Variants in ARHGAP12 observed in about 807,000 individuals in gnomAD.
ARHGAP12 encodes the protein rho GTPase-activating protein 12.
Under a neutral mutation model 108.6 loss-of-function variants are expected in ARHGAP12, and 64 were observed. The observed-to-expected ratio is 0.59, with a 90% CI of 0.48 to 0.73. The LOEUF is 0.73. ARHGAP12 is among the 30% of genes least tolerant of loss of function. ARHGAP12 has a pLI of 0.00. For synonymous variants in ARHGAP12, 312 were observed against 337.2 expected (o/e 0.93, Z 0.82); for missense variants, 940 against 1,005.9 (o/e 0.93, Z 0.89).
rs948188401 is a variant in ARHGAP12, at chr10:31,868,707, G to A, written c.685-7049C>T. 7.3e-4 allele frequency among the ~76,000 whole-genome samples: 111 copies of A among 151,942 alleles called. 3 individuals carry two copies. The highest frequency in any genetic ancestry group is 3.4e-3 in the Middle Eastern group (1 of 294). On this transcript the variant is annotated intron_variant, in intron 3 of 19. Coordinates refer to ENST00000344936, the MANE Select transcript of ARHGAP12 (RefSeq NM_018287.7). ...TCCCAGCACCTTGGGAGGTTGAGGC[G>A]GGAAGATCACTTGAGCCCAGTAGTT...
At chr10:31,884,412 A>G (rs1838116204) in intron 3 of ARHGAP12, among the ~76,000 whole-genome samples, 1 of 150,906 alleles carries the variant, frequency 6.6e-6, no homozygotes, top group Non-Finnish European at 1.5e-5. Context: ...ATATTTTGCA[A>G]TTTTTTTTTG....
chr10:31,866,427 A>G (rs1338787950), intron 3 of ARHGAP12, among the ~76,000 whole-genome samples: 2 of 152,204 alleles, frequency 1.3e-5, no homozygotes, highest in South Asian at 4.1e-4. Context: ...CTTTGAGAGA[A>G]ACAAACAAGG....
At chr10:31,906,995 T>C (rs765217838) in intron 3 of ARHGAP12, among the ~76,000 whole-genome samples, 3 of 152,160 alleles carry the variant, frequency 2.0e-5, no homozygotes, top group African/African-American at 7.2e-5. Flanking sequence ...GTACTTCACA[T>C]AGCTTCCTTG....
chr10:31,836,594 G>A (rs1041543), intron 9 of ARHGAP12, among the ~76,000 whole-genome samples: 114,014 of 151,646 alleles, frequency 0.75, 43,447 homozygotes, highest in African/African-American at 0.87. Context: ...ATTAAGAACT[G>A]AAAATGATGA....
chr10:31,925,228 A>C (rs1839980573), intron 1 of ARHGAP12, among the ~76,000 whole-genome samples: 1 of 152,206 alleles, frequency 6.6e-6, no homozygotes, highest in South Asian at 2.1e-4. Flanking sequence ...TACCAGACCC[A>C]ATACTGGCCA....
Position 31,908,487 on chromosome 10 carries a change from A to G in ARHGAP12, c.369T>C (p.Val123=), listed in dbSNP as rs1839225668. ...LSSFGKPSSS[V]QGTGLIRDAN... ...CATCACGAATAAGACCTGTTCCTTG[A>G]ACAGATGACGATGGCTTTCCGAAAC... The change falls in exon 3 of 20, where the codon GTT becomes GTC. Residue 123 remains valine (V), a synonymous_variant. Coordinates refer to ENST00000344936, the MANE Select transcript of ARHGAP12 (RefSeq NM_018287.7). The G allele has an allele frequency of 1.9e-6, 3 of 1,614,136 alleles. No homozygotes were observed. The highest frequency in any genetic ancestry group is 2.2e-5 in the East Asian group (1 of 44,904).
chr10:31,809,535 C>T, intron 16 of ARHGAP12: 1 of 450,024 alleles, frequency 2.2e-6, no homozygotes, highest in East Asian at 3.9e-5. Context: ...CTCTGCTCAT[C>T]ATATAGACTG....
intron 3 of ARHGAP12, among the ~76,000 whole-genome samples, chr10:31,906,844 C>G (rs901721977): frequency 1.3e-5 from 2 of 152,128 alleles, no homozygotes; most frequent in African/African-American, 4.8e-5. Flanking sequence ...GGATGGAATC[C>G]TGTGTCTTTC....
At chr10:31,918,682 A>T (rs1290226402) in intron 1 of ARHGAP12, among the ~76,000 whole-genome samples, 1 of 152,234 alleles carries the variant, frequency 6.6e-6, no homozygotes, top group East Asian at 1.9e-4. Context: ...TTCCAACCTC[A>T]GCAACAGAGT....
At chr10:31,874,944 A>C (rs963949742) in intron 3 of ARHGAP12, among the ~76,000 whole-genome samples, 1 of 131,524 alleles carries the variant, frequency 7.6e-6, no homozygotes, top group Non-Finnish European at 1.5e-5. Flanking sequence ...ACAGCACTCC[A>C]GACTGGGTGA....
At chr10:31,885,231 T>A (rs1838148086) in intron 3 of ARHGAP12, among the ~76,000 whole-genome samples, 1 of 152,216 alleles carries the variant, frequency 6.6e-6, no homozygotes, top group African/African-American at 2.4e-5. Context: ...TCATTTTTAG[T>A]AGTTTTTAAA....
At chr10:31,910,432 C>G (rs906738012) in intron 2 of ARHGAP12, 93 bp downstream of exon 2, 2 of 152,090 alleles carry the variant, frequency 1.3e-5, no homozygotes, top group Middle Eastern at 3.2e-3. Context: ...CAATTAGTCA[C>G]TGATACAATT....
At chr10:31,841,098 CCA>C (rs1438711949) in intron 7 of ARHGAP12, among the ~76,000 whole-genome samples, 1 of 151,792 alleles carries the variant, frequency 6.6e-6, no homozygotes, top group African/African-American at 2.4e-5. Context: ...GAAATAAAAA[CCA>C]CAAATACAGT....
chr10:31,904,981 A>T (rs569136381), intron 3 of ARHGAP12, among the ~76,000 whole-genome samples: 2 of 152,254 alleles, frequency 1.3e-5, no homozygotes, highest in East Asian at 3.9e-4. Context: ...CAAAATGAAA[A>T]GTTTAATTAA....
chr10:31,828,840 G>C (rs779273230), intron 10 of ARHGAP12, among the ~76,000 whole-genome samples: 1 of 152,014 alleles, frequency 6.6e-6, no homozygotes, highest in Non-Finnish European at 1.5e-5. Context: ...ATTATTTATA[G>C]ACAACAAAAA....
chr10:31,807,466 C>T lies in ARHGAP12; in HGVS notation c.*192G>A. 2.2e-6 allele frequency: 1 copy of T among 450,430 alleles called. No individual in the cohort carries two copies. The highest frequency in any genetic ancestry group is 3.9e-6 in the Non-Finnish European group (1 of 257,128). The allele number at this position is 450,430 out of a possible 1,614,324, so 27.9% of individuals were successfully genotyped here. On this transcript the variant is annotated 3_prime_UTR_variant, in exon 20 of 20. Transcript: ENST00000344936. Reference sequence around the variant, plus strand: ...AATTCATAATTACACGCAGTTATATCAACTTGCAACAAAGCAGCAAATATG... The same window carrying T: ...AATTCATAATTACACGCAGTTATATTAACTTGCAACAAAGCAGCAAATATG...
chr10:31,905,429 G>A (rs990453031), intron 3 of ARHGAP12, among the ~76,000 whole-genome samples: 1 of 152,166 alleles, frequency 6.6e-6, no homozygotes, highest in African/African-American at 2.4e-5. Context: ...GAAACCATGA[G>A]TATCTTTAGC....
chr10:31,825,977 C>T (rs1231052131), intron 11 of ARHGAP12, among the ~76,000 whole-genome samples: 1 of 152,122 alleles, frequency 6.6e-6, no homozygotes, highest in African/African-American at 2.4e-5. Context: ...TCTGAAATAG[C>T]AGAGTCACAA....
intron 4 of ARHGAP12, among the ~76,000 whole-genome samples, chr10:31,858,550 T>A (rs1836981117): frequency 6.6e-6 from 1 of 152,066 alleles, no homozygotes; most frequent in African/African-American, 2.4e-5. Flanking sequence ...CATAACAAGA[T>A]CCTGTCTCGG....
Sources: gnomAD v4.1 joint callset for allele counts (sites outside exome capture counted in the v4.1 genomes callset) on GRCh38, gnomAD v4.1.1 for gene constraint, MANE v1.5 for transcripts, NCBI Gene and HGNC (gene_info 2026-07-23, HGNC 2026-07-21) for gene names.